The following PKNOX2 variants were observed in gnomAD, a reference collection of about 807,000 sequenced individuals.
The protein encoded by PKNOX2 is PBX/knotted 1 homeobox 2, also known as homeobox protein PKNOX2.
In PKNOX2, 14 loss-of-function variants were observed where a neutral mutation model predicts 53.1. That is an observed-to-expected ratio of 0.26 (90% confidence interval 0.17 to 0.41). The LOEUF (loss-of-function observed/expected upper bound fraction) is 0.41, where lower values mean the gene tolerates loss of function less well. Ranked by LOEUF, PKNOX2 falls within the 10% of genes least tolerant of loss-of-function variation. The pLI is 1.00. For missense variants in PKNOX2, 496 were observed against 602.8 expected (o/e 0.82, Z 1.85); for synonymous variants, 257 against 242.8 (o/e 1.06, Z -0.54).
chr11:125,393,683 T>A (rs952129919), intron 6 of PKNOX2, among the ~76,000 whole-genome samples: 5 of 151,944 alleles, frequency 3.3e-5, no homozygotes, highest in African/African-American at 1.2e-4. Flanking sequence ...TGGTGAGGTG[T>A]TTGGACCCCG....
intron 1 of PKNOX2, among the ~76,000 whole-genome samples, chr11:125,192,652 T>A (rs1398438053): frequency 6.6e-6 from 1 of 152,212 alleles, no homozygotes; most frequent in Non-Finnish European, 1.5e-5. Context: ...ATTTTCTTAA[T>A]TCTTTCAGCA....
At chr11:125,266,460 T>C (rs1425772826) in intron 2 of PKNOX2, among the ~76,000 whole-genome samples, 1 of 152,220 alleles carries the variant, frequency 6.6e-6, no homozygotes, top group Non-Finnish European at 1.5e-5. Context: ...AGACAGAGGC[T>C]GGAAGACAGC....
intron 2 of PKNOX2, among the ~76,000 whole-genome samples, chr11:125,247,518 C>A (rs936040378): frequency 1.3e-5 from 2 of 152,194 alleles, no homozygotes; most frequent in African/African-American, 4.8e-5. Context: ...AGATTATGCC[C>A]AGTCCCTCCA....
At chr11:125,294,546 G>A (rs189752485) in intron 2 of PKNOX2, among the ~76,000 whole-genome samples, 2 of 152,318 alleles carry the variant, frequency 1.3e-5, no homozygotes, top group African/African-American at 4.8e-5. Flanking sequence ...TGGAGAGGCG[G>A]CATGGCAGGG....
At chr11:125,262,263 A>G (rs929151269) in intron 2 of PKNOX2, among the ~76,000 whole-genome samples, 1 of 152,020 alleles carries the variant, frequency 6.6e-6, no homozygotes, top group Non-Finnish European at 1.5e-5. Context: ...CTTGGGCCGG[A>G]AGGAGTGATG....
At chr11:125,248,792 TC>T (rs1943756455) in intron 2 of PKNOX2, among the ~76,000 whole-genome samples, 1 of 147,500 alleles carries the variant, frequency 6.8e-6, no homozygotes, top group Middle Eastern at 3.3e-3. Context: ...ATATGATGGG[TC>T]TCACTATGTT....
intron 2 of PKNOX2, among the ~76,000 whole-genome samples, chr11:125,268,615 G>A (rs1945536694): frequency 6.6e-6 from 1 of 152,222 alleles, no homozygotes; most frequent in South Asian, 2.1e-4. Flanking sequence ...CTGGCTTTCA[G>A]TGATATTATT....
intron 2 of PKNOX2, among the ~76,000 whole-genome samples, chr11:125,318,760 C>T (rs919142410): frequency 6.6e-6 from 1 of 152,114 alleles, no homozygotes; most frequent in Admixed American, 6.5e-5. Flanking sequence ...GTAATCCCTG[C>T]CTGTTGAGGG....
In PKNOX2 at chr11:125,266,319, C is replaced by T. The variant is rs182340896; in HGVS notation, c.-130+31204C>T. Among the ~76,000 whole-genome samples, 4 of 152,274 alleles carry T rather than the reference C, an allele frequency of 2.6e-5. No individual in the cohort carries two copies. The East Asian group carries it at 7.7e-4, about 29-fold the overall frequency. Reference sequence around the variant, plus strand: ...CCAGTCACCCCCAGTCCTTTGCCTTCCTGCTTTGCTTCATTTCCAAGAAGA... The same window carrying T: ...CCAGTCACCCCCAGTCCTTTGCCTTTCTGCTTTGCTTCATTTCCAAGAAGA... On this transcript the variant is annotated intron_variant, in intron 2 of 12. Coordinates refer to ENST00000298282, the MANE Select transcript of PKNOX2 (RefSeq NM_001382323.2).
chr11:125,426,397 G>T (rs1313982946), intron 10 of PKNOX2, among the ~76,000 whole-genome samples: 3 of 152,088 alleles, frequency 2.0e-5, no homozygotes, highest in Non-Finnish European at 4.4e-5. Context: ...TTCCCATCTA[G>T]TCTGTGAGTT....
At chr11:125,375,913 T>G (rs537433409) in intron 5 of PKNOX2, among the ~76,000 whole-genome samples, 1 of 152,214 alleles carries the variant, frequency 6.6e-6, no homozygotes, top group Non-Finnish European at 1.5e-5. Flanking sequence ...ACTCGTGTCA[T>G]GGGGTCTGTC....
At chr11:125,170,970 G>A (rs980583634) in intron 1 of PKNOX2, among the ~76,000 whole-genome samples, 2 of 151,660 alleles carry the variant, frequency 1.3e-5, no homozygotes, top group South Asian at 2.1e-4. Context: ...AGTGGGGGAG[G>A]GGGGAGGCTG....
chr11:125,218,799 G>C (rs551945762), intron 1 of PKNOX2, among the ~76,000 whole-genome samples: 1 of 152,150 alleles, frequency 6.6e-6, no homozygotes, highest in Non-Finnish European at 1.5e-5. Context: ...ACCCAAAAAG[G>C]CTTAAAGAGT....
rs1956627887 is a variant in PKNOX2 at position 125,430,154 on chromosome 11, G to A, written c.1192+13G>A. 1.2e-6 allele frequency: 2 copies of A among 1,612,768 alleles called. No individual in the cohort carries two copies. The highest frequency in any genetic ancestry group is 1.3e-5 in the African/African-American group (1 of 74,906). On this transcript the variant is annotated intron_variant, in intron 12 of 12. Coordinates refer to ENST00000298282, the MANE Select transcript of PKNOX2 (RefSeq NM_001382323.2). Reference sequence around the variant, plus strand: ...ACAAACCCCGATGGTAAGAACTGGGGCTGAGTGCACCCTAGACAAGGGCTG... The same window carrying A: ...ACAAACCCCGATGGTAAGAACTGGGACTGAGTGCACCCTAGACAAGGGCTG...
At chr11:125,404,503 A>T (rs1016925774) in intron 7 of PKNOX2, among the ~76,000 whole-genome samples, 1 of 152,204 alleles carries the variant, frequency 6.6e-6, no homozygotes, top group Non-Finnish European at 1.5e-5. Flanking sequence ...TTGGTCTAAG[A>T]CAGGGCCCTG....
intron 2 of PKNOX2, among the ~76,000 whole-genome samples, chr11:125,319,863 G>A (rs1312809251): frequency 6.6e-6 from 1 of 152,154 alleles, no homozygotes; most frequent in African/African-American, 2.4e-5. Flanking sequence ...AGGGCACAAA[G>A]GCCTGGGTGG....
intron 2 of PKNOX2, among the ~76,000 whole-genome samples, chr11:125,307,303 G>A (rs778223883): frequency 1.3e-5 from 2 of 152,204 alleles, no homozygotes; most frequent in Non-Finnish European, 2.9e-5. Context: ...GGGAGCCTGG[G>A]TGCGGTGGCT....
intron 7 of PKNOX2, among the ~76,000 whole-genome samples, chr11:125,401,979 C>T (rs1954784310): frequency 6.6e-6 from 1 of 152,150 alleles, no homozygotes; most frequent in East Asian, 1.9e-4. Flanking sequence ...TCCCTGTGTG[C>T]TAATCATCCA....
chr11:125,364,271 G>C (rs1488148457), intron 4 of PKNOX2, among the ~76,000 whole-genome samples: 1 of 152,220 alleles, frequency 6.6e-6, no homozygotes, highest in Non-Finnish European at 1.5e-5. Context: ...AGGAAATGCA[G>C]AGTTTGCTGA....
Sources: allele counts gnomAD v4.1 joint callset (sites outside exome capture counted in the v4.1 genomes callset), GRCh38; gene constraint gnomAD v4.1.1; transcripts MANE v1.5; gene names NCBI Gene and HGNC (gene_info 2026-07-23, HGNC 2026-07-21).